Variants in B3GALT1 observed in about 807,000 individuals in gnomAD.
B3GALT1 encodes the protein beta-1,3-galactosyltransferase 1, also known as UDP-Gal:betaGlcNAc beta 1,3-galactosyltransferase, polypeptide 1.
Under a neutral mutation model 23.2 loss-of-function variants are expected in B3GALT1, and 10 were observed. The ratio of observed to expected loss-of-function variants is 0.43; its 90% CI spans 0.27 to 0.73. The LOEUF is 0.73. Among genes scored for constraint, B3GALT1 ranks in the 30% least tolerant of loss-of-function variants. The pLI is 0.21. For synonymous variants in B3GALT1, 156 were observed against 141.5 expected, an observed-to-expected ratio of 1.10 and a Z score of -0.73; for missense variants, 299 against 405.4, an observed-to-expected ratio of 0.74 and a Z score of 2.25.
At chr2:167,518,653 C>G (rs921869256) in intron 2 of B3GALT1, among the ~76,000 whole-genome samples, 6 of 152,118 alleles carry the variant, frequency 3.9e-5, no homozygotes, top group Non-Finnish European at 5.9e-5. Context: ...TATTCAGATG[C>G]AAATCCAGAA....
In B3GALT1 at chr2:167,442,100, A is replaced by T. The variant is rs563794788; in HGVS notation, c.-510-48077A>T. Among the ~76,000 whole-genome samples the T allele has an allele frequency of 7.9e-5, 12 of 151,296 alleles. No individual in the cohort carries two copies. The East Asian group carries it at 2.3e-3, about 29-fold the overall frequency. On this transcript the variant is annotated intron_variant, in intron 1 of 4. Coordinates refer to ENST00000392690, the MANE Select transcript of B3GALT1 (RefSeq NM_020981.4). ...TGTGTCCATGTGATCTCATTGTTCA[A>T]TTCCCACCTATGAGTGAGAATATGC...
At chr2:167,657,199 G>A (rs1251786189) in intron 3 of B3GALT1, among the ~76,000 whole-genome samples, 1 of 152,126 alleles carries the variant, frequency 6.6e-6, no homozygotes, top group African/African-American at 2.4e-5. Flanking sequence ...GAGATGTCTG[G>A]TGGACAGTTG....
chr2:167,565,758 C>T (rs960721978), intron 2 of B3GALT1, among the ~76,000 whole-genome samples: 1 of 152,142 alleles, frequency 6.6e-6, no homozygotes, highest in Non-Finnish European at 1.5e-5. Flanking sequence ...AAATGCTCAC[C>T]ATCACTGGCC....
chr2:167,752,584 C>A (rs1687755452), intron 3 of B3GALT1, among the ~76,000 whole-genome samples: 1 of 139,810 alleles, frequency 7.2e-6, no homozygotes, highest in African/African-American at 2.7e-5. Context: ...CCCCCCGCCC[C>A]TCTCCCCCCA....
chr2:167,517,960 T>C lies in B3GALT1; in HGVS notation c.-410+27683T>C, dbSNP rs74626581. Among the ~76,000 whole-genome samples, 855 of 152,222 alleles carry C rather than the reference T, an allele frequency of 5.6e-3. 9 individuals carry two copies. Among genetic ancestry groups the C allele is most frequent in the African/African-American group, 0.02 (824 of 41,570 alleles). On this transcript the variant is annotated intron_variant, in intron 2 of 4. Transcript: ENST00000392690. ...AAAACATTTTATAGTATCAGTGTAA[T>C]CTCATTTGATCCCAATATCCGTGAA...
chr2:167,545,820 T>G (rs1683627281), intron 2 of B3GALT1, among the ~76,000 whole-genome samples: 1 of 152,212 alleles, frequency 6.6e-6, no homozygotes, highest in Non-Finnish European at 1.5e-5. Flanking sequence ...TGAGTAACCC[T>G]TATCCAAAAT....
chr2:167,595,416 C>G lies in B3GALT1; in HGVS notation c.-409-51493C>G, dbSNP rs76450187. 9.0e-3 allele frequency among the ~76,000 whole-genome samples: 1,374 copies of G among 152,210 alleles called. 22 individuals are homozygous for G. Among genetic ancestry groups the G allele is most frequent in the African/African-American group, 0.03 (1,262 of 41,522 alleles). On this transcript the variant is annotated intron_variant, in intron 2 of 4. Coordinates refer to ENST00000392690, the MANE Select transcript of B3GALT1 (RefSeq NM_020981.4). Reference sequence around the variant, plus strand: ...AAACACAATTAGAGCAACATGGTCCCGTTAAATCATAGGTGACTAAAAGCC... The same window carrying G: ...AAACACAATTAGAGCAACATGGTCCGGTTAAATCATAGGTGACTAAAAGCC...
rs1553513212 is a variant in B3GALT1, at chr2:167,340,335, A to AAC, written c.-511+47001_-511+47002insAC. On this transcript the variant is annotated intron_variant, in intron 1 of 4. Coordinates refer to ENST00000392690, the MANE Select transcript of B3GALT1 (RefSeq NM_020981.4). ...GGAGAAAAAAAAAAAAAAAAAAAAA[A>AAC]CAGAGCTTTTGGCAATGGAACAAGG... 4.6e-4 allele frequency among the ~76,000 whole-genome samples: 64 copies of AAC among 140,658 alleles called. 23 individuals carry two copies. Among genetic ancestry groups the AAC allele is most frequent in the Non-Finnish European group, 6.7e-4 (43 of 63,740 alleles). 92.3% of individuals were successfully genotyped at this position (140,658 alleles called of 152,430 possible). A position where few individuals can be genotyped will look rare whatever the true frequency, so the allele number is the denominator to read the frequency against.
intron 1 of B3GALT1, among the ~76,000 whole-genome samples, chr2:167,450,913 C>T (rs901727827): frequency 4.6e-5 from 7 of 151,712 alleles, no homozygotes; most frequent in South Asian, 2.1e-4. Flanking sequence ...TCTTTGTCTT[C>T]GTTGGATTAT....
chr2:167,487,097 A>C (rs1239167946), intron 1 of B3GALT1, among the ~76,000 whole-genome samples: 1 of 152,248 alleles, frequency 6.6e-6, no homozygotes, highest in Non-Finnish European at 1.5e-5. Context: ...AACCAGAGTG[A>C]GAAAGTAAAG....
At chr2:167,365,366 G>T (rs557734813) in intron 1 of B3GALT1, among the ~76,000 whole-genome samples, 1 of 151,998 alleles carries the variant, frequency 6.6e-6, no homozygotes, top group Non-Finnish European at 1.5e-5. Context: ...AACACTTCAG[G>T]TTATGTTTCA....
At chr2:167,470,669 C>T (rs1699409297) in intron 1 of B3GALT1, among the ~76,000 whole-genome samples, 1 of 152,100 alleles carries the variant, frequency 6.6e-6, no homozygotes, top group South Asian at 2.1e-4. Flanking sequence ...ATAATCTCCA[C>T]TGCTCACTGC....
chr2:167,866,474 C>T (rs759779258), intron 4 of B3GALT1, among the ~76,000 whole-genome samples: 11 of 152,182 alleles, frequency 7.2e-5, no homozygotes, highest in Non-Finnish European at 1.6e-4. Flanking sequence ...ACTCAATAAA[C>T]ATTTGATTAA....
chr2:167,446,853 C>T (rs926035117), intron 1 of B3GALT1, among the ~76,000 whole-genome samples: 1 of 151,346 alleles, frequency 6.6e-6, no homozygotes, highest in Non-Finnish European at 1.5e-5. Flanking sequence ...AAGCCTTCTT[C>T]TCTCAAATCG....
In B3GALT1 at chr2:167,668,658, C is replaced by T. The variant is rs539469849; in HGVS notation, c.-352+21692C>T. On this transcript the variant is annotated intron_variant, in intron 3 of 4. Transcript: ENST00000392690. ...TGGGGGATATAATCTCCTGGTGCGC[C>T]GTTTTTTAAGCCCATCGGAAAAGCA... Among the ~76,000 whole-genome samples, 36 of 152,272 alleles carry T rather than the reference C, an allele frequency of 2.4e-4. 1 individual carries two copies. Among genetic ancestry groups the T allele is most frequent in the Non-Finnish European group, 4.9e-4 (33 of 68,024 alleles).
At chr2:167,431,643 C>T (rs973714108) in intron 1 of B3GALT1, among the ~76,000 whole-genome samples, 1 of 152,134 alleles carries the variant, frequency 6.6e-6, no homozygotes, top group Non-Finnish European at 1.5e-5. Flanking sequence ...ATAAAATTGT[C>T]CACATTCTAT....
At chr2:167,715,385 C>T (rs1156663608) in intron 3 of B3GALT1, 21 of 1,613,362 alleles carry the variant, frequency 1.3e-5, no homozygotes, top group Admixed American at 5.0e-5. Context: ...TTCAGCTTCT[C>T]GCAAAAGCTG....
intron 3 of B3GALT1, among the ~76,000 whole-genome samples, chr2:167,742,139 C>T (rs182572481): frequency 8.5e-5 from 13 of 152,200 alleles, no homozygotes; most frequent in South Asian, 2.1e-4. Flanking sequence ...GAGTCCTTAC[C>T]GGAAGGTCAC....
chr2:167,695,906 G>C (rs1419679503), intron 3 of B3GALT1, among the ~76,000 whole-genome samples: 6 of 152,126 alleles, frequency 3.9e-5, no homozygotes. Flanking sequence ...AGAGGGAAAG[G>C]AGGCAGGGGA....
Sources: allele counts gnomAD v4.1 joint callset (sites outside exome capture counted in the v4.1 genomes callset), GRCh38; gene constraint gnomAD v4.1.1; transcripts MANE v1.5; gene names NCBI Gene and HGNC (gene_info 2026-07-23, HGNC 2026-07-21).